SLC25A14: variants seen among roughly 807,000 people sequenced by gnomAD.
The protein encoded by SLC25A14 is solute carrier family 25 member 14.
A neutral mutation model predicts 28.1 loss-of-function variants in SLC25A14; 8 were observed. That is an observed-to-expected ratio of 0.28 (90% CI 0.17 to 0.51). The LOEUF (loss-of-function observed/expected upper bound fraction) is 0.51, where lower values mean the gene tolerates loss of function less well. Among genes scored for constraint, SLC25A14 ranks in the 20% least tolerant of loss-of-function variants. The pLI, the probability that SLC25A14 is intolerant of heterozygous loss-of-function variation, is 0.97. For synonymous variants in SLC25A14, 74 were observed against 90.6 expected, an observed-to-expected ratio of 0.82 and a Z score of 1.04; for missense variants, 135 against 263.8, an observed-to-expected ratio of 0.51 and a Z score of 3.38.
chrX:130,365,409 T>A, intron 8 of SLC25A14, 132 bp from the exon 9 acceptor site: 1 of 1,061,108 alleles, frequency 9.4e-7, no homozygotes, highest in Non-Finnish European at 1.2e-6. Context: ...CTTTAGATTG[T>A]AACGAAAGGC....
rs1024902170 is a variant in SLC25A14 at position 130,364,849 on chromosome X, G to A, written c.719+97G>A. 30 of 1,133,712 alleles carry A rather than the reference G, an allele frequency of 2.6e-5. No homozygotes were observed. The African/African-American group carries it at 2.9e-4, about 11-fold the overall frequency. The allele number at this position is 1,133,712 out of a possible 1,213,427, so 93.4% of individuals were successfully genotyped here. A position where few individuals can be genotyped will look rare whatever the true frequency, so the allele number is the denominator to read the frequency against. On this transcript the variant is annotated intron_variant, in intron 8 of 10. Coordinates refer to ENST00000545805, the MANE Select transcript of SLC25A14 (RefSeq NM_001282195.2). ...TCAGGTGGAATTTGATAACTGGTAC[G>A]TATGGCCTAAATTCCCTTGTCTCTC...
At chrX:130,363,136 C>T (rs1162837601) in intron 7 of SLC25A14, among the ~76,000 whole-genome samples, 1 of 112,325 alleles carries the variant, frequency 8.9e-6, no homozygotes, top group Non-Finnish European at 1.9e-5. Flanking sequence ...GCCATTACCA[C>T]TGTCTAAGTT....
intron 7 of SLC25A14, chrX:130,359,158 G>A (rs1440032362): frequency 2.4e-6 from 1 of 423,297 alleles, no homozygotes; most frequent in Non-Finnish European, 4.0e-6. Flanking sequence ...TTCAAGACCA[G>A]CCTGGCCAAC....
At chrX:130,356,635 G>A (rs150087904) in intron 6 of SLC25A14, among the ~76,000 whole-genome samples, 3 of 111,288 alleles carry the variant, frequency 2.7e-5, no homozygotes, top group South Asian at 3.9e-4. Flanking sequence ...TTCTGTTCAC[G>A]TTCCATTCTG....
chrX:130,368,772 C>A (rs766027483), intron 9 of SLC25A14, among the ~76,000 whole-genome samples: 1 of 111,830 alleles, frequency 8.9e-6, no homozygotes, highest in Non-Finnish European at 1.9e-5. Flanking sequence ...TAATAACTTA[C>A]ACAAGATTAC....
chrX:130,350,589 G>A, intron 5 of SLC25A14, 57 bp from the exon 6 acceptor site: 1 of 684,594 alleles, frequency 1.5e-6, no homozygotes, highest in Non-Finnish European at 2.2e-6. Flanking sequence ...TCAGTAGTAT[G>A]TACTCAAACT....
chrX:130,345,538 A>G (rs1368630335), intron 3 of SLC25A14, among the ~76,000 whole-genome samples: 3 of 111,561 alleles, frequency 2.7e-5, no homozygotes, highest in Non-Finnish European at 5.7e-5. Context: ...ATGAATATAT[A>G]GAGGGAGTTG....
chrX:130,346,444 A>C (rs1439618206), intron 3 of SLC25A14, 100 bp from the exon 4 acceptor site: 2 of 673,873 alleles, frequency 3.0e-6, no homozygotes, highest in African/African-American at 4.4e-5. Context: ...TATAAAAAGG[A>C]CTTTGTCTTA....
intron 7 of SLC25A14, 184 bp downstream of exon 7, chrX:130,358,919 A>G (rs924333807): frequency 2.7e-5 from 20 of 728,752 alleles, no homozygotes; most frequent in Non-Finnish European, 4.1e-5. Context: ...ATGTTTGGGG[A>G]TTATATAGGT....
chrX:130,345,226 T>C lies in SLC25A14; in HGVS notation c.120T>C (p.Asn40=), dbSNP rs1378203322. 1 of 1,206,181 alleles carries C rather than the reference T, an allele frequency of 8.3e-7. No homozygotes were observed. The highest frequency in any genetic ancestry group is 2.2e-5 in the Admixed American group (1 of 46,038). Residue 40 remains asparagine, a synonymous_variant, in exon 3 of 11, where the codon AAT becomes AAC. Transcript: ENST00000545805. ...TAAGTCATGAGATGTCTGGTCTGAA[T>C]TGGAAACCCTTTGTATATGGCGGCC... ...TTVSHEMSGL[N]WKPFVYGGLA... is the part of the protein sequence containing the mutation.
At chrX:130,366,400 A>G (rs2034118027) in intron 9 of SLC25A14, among the ~76,000 whole-genome samples, 2 of 112,236 alleles carry the variant, frequency 1.8e-5, no homozygotes, top group Non-Finnish European at 3.8e-5. Context: ...ACAATAACTC[A>G]TATCCACTGA....
chrX:130,364,240 A>G (rs943997868), intron 7 of SLC25A14, among the ~76,000 whole-genome samples: 4 of 111,677 alleles, frequency 3.6e-5, no homozygotes, highest in Non-Finnish European at 5.6e-5. Flanking sequence ...TTTTTGTTGT[A>G]AGAGTTATTT....
At position 130,365,518 on chromosome X, in the gene SLC25A14, T is replaced by G; in HGVS notation, c.720-23T>G. 2 of 1,210,050 alleles carry G rather than the reference T, an allele frequency of 1.7e-6. No homozygotes were observed. The highest frequency in any genetic ancestry group is 2.2e-6 in the Non-Finnish European group (2 of 894,569). On this transcript the variant is annotated intron_variant, in intron 8 of 10. Transcript: ENST00000545805. Reference sequence around the variant, plus strand: ...GGGCAGGGAGTGAAAGTGGGGTCGATCTACTTAAACTTTTCCTCTTAGTTC... The same window carrying G: ...GGGCAGGGAGTGAAAGTGGGGTCGAGCTACTTAAACTTTTCCTCTTAGTTC...
intron 6 of SLC25A14, among the ~76,000 whole-genome samples, chrX:130,358,072 A>G (rs185410628): frequency 8.9e-6 from 1 of 112,150 alleles, no homozygotes; most frequent in African/African-American, 3.2e-5. Context: ...TTAGTTTTAT[A>G]TGTTCACCTC....
intron 6 of SLC25A14, among the ~76,000 whole-genome samples, chrX:130,356,480 C>T (rs767190040): frequency 1.1e-4 from 12 of 110,802 alleles, no homozygotes; most frequent in African/African-American, 3.0e-4. Flanking sequence ...CCGCCCACCT[C>T]GGCCTCCCAA....
chrX:130,358,574 C>A, intron 6 of SLC25A14, 66 bp from the exon 7 acceptor site: 1 of 710,524 alleles, frequency 1.4e-6, no homozygotes, highest in Non-Finnish European at 2.2e-6. Context: ...TTTAAATGAA[C>A]TTAAAATGAA....
At chrX:130,371,787 C>T (rs5930404) in intron 10 of SLC25A14, 143 bp downstream of exon 10, 178,782 of 430,298 alleles carry the variant, frequency 0.42, 25,949 homozygotes, top group Non-Finnish European at 0.44. Flanking sequence ...TCAAATTAAG[C>T]AAAGAAACAG....
intron 10 of SLC25A14, among the ~76,000 whole-genome samples, chrX:130,372,459 ATTTATTTTTATTT>A (rs1210147142): frequency 2.0e-4 from 17 of 83,293 alleles, no homozygotes; most frequent in Non-Finnish European, 3.9e-4. Flanking sequence ...TTATTTATTT[ATTTATTTTTATTT>A]TTTTTTTTGA....
chrX:130,341,593 T>C (rs182728219), intron 2 of SLC25A14, among the ~76,000 whole-genome samples: 6 of 111,937 alleles, frequency 5.4e-5, no homozygotes, highest in African/African-American at 1.9e-4. Context: ...GGGAGTAGTA[T>C]AGGGCAATGT....
Sources: gnomAD v4.1 joint callset for allele counts (sites outside exome capture counted in the v4.1 genomes callset) on GRCh38, gnomAD v4.1.1 for gene constraint, MANE v1.5 for transcripts, NCBI Gene and HGNC (gene_info 2026-07-23, HGNC 2026-07-21) for gene names.